LRRC7: variants seen among roughly 807,000 people sequenced by gnomAD.
The protein encoded by LRRC7 is leucine rich repeat containing 7.
A neutral mutation model predicts 175.7 loss-of-function variants in LRRC7; 23 were observed. The observed-to-expected ratio is 0.13, with a 90% CI of 0.09 to 0.19. The LOEUF (loss-of-function observed/expected upper bound fraction) is 0.19, where lower values mean the gene tolerates loss of function less well. Among genes scored for constraint, LRRC7 ranks in the 10% least tolerant of loss-of-function variants. The pLI is 1.00. For synonymous variants in LRRC7, 685 were observed against 680.9 expected (o/e 1.01, Z -0.09); for missense variants, 1,354 against 1,904.7 (o/e 0.71, Z 5.38).
chr1:70,003,756 A>G (rs1655746583), intron 11 of LRRC7, among the ~76,000 whole-genome samples: 1 of 152,120 alleles, frequency 6.6e-6, no homozygotes, highest in Non-Finnish European at 1.5e-5. Context: ...TATTAATTGC[A>G]GTACTTACTC....
At chr1:69,718,130 G>GAGAGAGAGA (rs1557643261) in intron 2 of LRRC7, among the ~76,000 whole-genome samples, 1 of 44,722 alleles carries the variant, frequency 2.2e-5, no homozygotes, top group Non-Finnish European at 3.8e-5. Context: ...AGAAAGAAAA[G>GAGAGAGAGA]AAAGAAAGAG....
In LRRC7 at chr1:69,632,086, A is replaced by G. The variant is rs544635545; in HGVS notation, c.3-46295A>G. On this transcript the variant is annotated intron_variant, in intron 1 of 26. Transcript: ENST00000651989. ...ATCAGCCAGTCTGAATCTTTAGGTT[A>G]TCTAATAAAATGTCTTCTCTATAAC... 1.1e-4 allele frequency among the ~76,000 whole-genome samples: 17 copies of G among 152,220 alleles called. No individual in the cohort carries two copies. The East Asian group carries it at 1.5e-3, about 14-fold the overall frequency.
chr1:69,821,410 G>A (rs914911803), intron 4 of LRRC7, among the ~76,000 whole-genome samples: 1 of 151,548 alleles, frequency 6.6e-6, no homozygotes, highest in African/African-American at 2.4e-5. Context: ...TGTATTCATC[G>A]GCTCCAGAAT....
At chr1:69,991,155 C>A (rs1348045384) in intron 10 of LRRC7, among the ~76,000 whole-genome samples, 18 of 135,402 alleles carry the variant, frequency 1.3e-4, no homozygotes, top group African/African-American at 1.1e-4. Flanking sequence ...GACCTTTTAT[C>A]AAAAAAAAAA....
chr1:69,728,838 A>T (rs1377700151), intron 2 of LRRC7, among the ~76,000 whole-genome samples: 1 of 152,216 alleles, frequency 6.6e-6, no homozygotes, highest in African/African-American at 2.4e-5. Flanking sequence ...TAATGGCAAT[A>T]GTATTGTATT....
At chr1:70,093,402 G>A (rs1051231107) in intron 25 of LRRC7, among the ~76,000 whole-genome samples, 6 of 152,222 alleles carry the variant, frequency 3.9e-5, no homozygotes, top group Non-Finnish European at 7.4e-5. Context: ...GAGGCCCAGA[G>A]GGGTTAATTA....
intron 1 of LRRC7, among the ~76,000 whole-genome samples, chr1:69,587,295 C>G (rs1270032785): frequency 6.6e-6 from 1 of 152,144 alleles, no homozygotes; most frequent in Non-Finnish European, 1.5e-5. Context: ...CCTCTTCTCT[C>G]ATTGTACCCA....
At chr1:69,571,179 C>T (rs890190833) in intron 1 of LRRC7, among the ~76,000 whole-genome samples, 1 of 152,152 alleles carries the variant, frequency 6.6e-6, no homozygotes, top group Admixed American at 6.5e-5. Flanking sequence ...TGTGTACTTA[C>T]CATGGCCAAC....
intron 18 of LRRC7, among the ~76,000 whole-genome samples, chr1:70,031,697 C>T (rs564428097): frequency 4.4e-4 from 67 of 152,268 alleles, no homozygotes; most frequent in African/African-American, 1.5e-3. Flanking sequence ...ATAGTAGACA[C>T]CACAATTTTA....
chr1:69,878,500 A>T (rs1336631620), intron 7 of LRRC7, among the ~76,000 whole-genome samples: 1 of 152,188 alleles, frequency 6.6e-6, no homozygotes, highest in African/African-American at 2.4e-5. Flanking sequence ...AAACAGACTT[A>T]GGTGGCATGA....
intron 4 of LRRC7, among the ~76,000 whole-genome samples, chr1:69,795,913 T>TTTG (rs1250618155): frequency 3.5e-5 from 3 of 84,626 alleles, no homozygotes; most frequent in Non-Finnish European, 8.2e-5. Context: ...TTTTTTTGGG[T>TTTG]TTTTTTTTGT....
chr1:69,748,767 T>C (rs1183070465), intron 2 of LRRC7, among the ~76,000 whole-genome samples: 3 of 152,124 alleles, frequency 2.0e-5, no homozygotes, highest in Non-Finnish European at 4.4e-5. Context: ...AGACTGAGGG[T>C]CCTTCCAAAC....
chr1:69,853,527 T>G (rs1683249047), intron 7 of LRRC7, among the ~76,000 whole-genome samples: 1 of 152,124 alleles, frequency 6.6e-6, no homozygotes, highest in African/African-American at 2.4e-5. Context: ...TCCGCCCACC[T>G]TGGCCTCCCA....
intron 10 of LRRC7, among the ~76,000 whole-genome samples, chr1:69,988,755 T>C (rs1194123946): frequency 6.6e-6 from 1 of 152,162 alleles, no homozygotes; most frequent in East Asian, 1.9e-4. Context: ...GAATCTGCAG[T>C]ATCCACAAAG....
intron 2 of LRRC7, among the ~76,000 whole-genome samples, chr1:69,699,082 T>G (rs926382619): frequency 5.3e-5 from 8 of 152,148 alleles, no homozygotes; most frequent in Admixed American, 1.3e-4. Flanking sequence ...GGTGGGACTG[T>G]AAACTAGTTC....
chr1:69,814,444 T>C (rs1310038074), intron 4 of LRRC7, among the ~76,000 whole-genome samples: 1 of 152,172 alleles, frequency 6.6e-6, no homozygotes, highest in African/African-American at 2.4e-5. Flanking sequence ...ATCTAGAATT[T>C]TTCAAGTACT....
rs528268778 is a variant in LRRC7 at position 69,675,689 on chromosome 1, T to C, written c.3-2692T>C. On this transcript the variant is annotated intron_variant, in intron 1 of 26. Coordinates refer to ENST00000651989, the MANE Select transcript of LRRC7 (RefSeq NM_001370785.2). The stretch of plus-strand genomic sequence containing the variant: ...AATCAAAATTGTGCGATGAATTAAT[T>C]CAAGAGTCAGAAACTAGAAAATTTG... Among the ~76,000 whole-genome samples the C allele has an allele frequency of 1.8e-3, 267 of 152,224 alleles. 1 individual carries two copies. The highest frequency in any genetic ancestry group is 6.1e-3 in the African/African-American group (255 of 41,548).
At chr1:69,851,694 A>T (rs752286218) in intron 7 of LRRC7, among the ~76,000 whole-genome samples, 5 of 152,184 alleles carry the variant, frequency 3.3e-5, no homozygotes, top group Admixed American at 6.6e-5. Context: ...AAAAGCATGA[A>T]AGAACTCTGA....
At chr1:69,785,292 C>T (rs1473974883) in intron 3 of LRRC7, among the ~76,000 whole-genome samples, 3 of 152,006 alleles carry the variant, frequency 2.0e-5, no homozygotes, top group Admixed American at 6.6e-5. Context: ...TATATGATCA[C>T]TCTCTCTCTA....
Sources: gnomAD v4.1 joint callset for allele counts (sites outside exome capture counted in the v4.1 genomes callset) on GRCh38, gnomAD v4.1.1 for gene constraint, MANE v1.5 for transcripts, NCBI Gene and HGNC (gene_info 2026-07-23, HGNC 2026-07-21) for gene names.